The following CNTNAP5 variants were observed in gnomAD, a reference collection of about 807,000 sequenced individuals.
The protein encoded by CNTNAP5 is contactin associated protein family member 5.
Under a neutral mutation model 150.2 loss-of-function variants are expected in CNTNAP5, and 72 were observed. That is an observed-to-expected ratio of 0.48 (90% confidence interval 0.40 to 0.58). The LOEUF (loss-of-function observed/expected upper bound fraction) is 0.58. Ranked by LOEUF, CNTNAP5 falls within the 20% of genes least tolerant of loss-of-function variation. CNTNAP5 has a pLI of 0.00. For synonymous variants in CNTNAP5, 672 were observed against 619.8 expected (o/e 1.08, Z -1.25); for missense variants, 1,636 against 1,626.2 (o/e 1.01, Z -0.10).
intron 19 of CNTNAP5, among the ~76,000 whole-genome samples, chr2:124,815,452 G>C (rs1470357390): frequency 6.6e-6 from 1 of 152,176 alleles, no homozygotes; most frequent in African/African-American, 2.4e-5. Context: ...GCCAGGCAGA[G>C]GCAATAAATC....
At chr2:124,152,434 C>T (rs980586568) in intron 1 of CNTNAP5, among the ~76,000 whole-genome samples, 15 of 152,182 alleles carry the variant, frequency 9.9e-5, no homozygotes, top group African/African-American at 3.4e-4. Flanking sequence ...AGCCTGTGAA[C>T]AAATACGTGG....
chr2:124,643,915 C>A (rs534751965), intron 12 of CNTNAP5, among the ~76,000 whole-genome samples: 6 of 152,118 alleles, frequency 3.9e-5, no homozygotes, highest in Non-Finnish European at 8.8e-5. Flanking sequence ...CAAATATGAC[C>A]AATAAGAAAA....
At chr2:124,580,018 CTTTG>C (rs572144965) in intron 11 of CNTNAP5, among the ~76,000 whole-genome samples, 3 of 152,304 alleles carry the variant, frequency 2.0e-5, no homozygotes, top group East Asian at 1.9e-4. Context: ...AGGTTTTGTT[CTTTG>C]TTTGTTTGTT....
intron 13 of CNTNAP5, among the ~76,000 whole-genome samples, chr2:124,652,659 A>G (rs1217573286): frequency 6.6e-6 from 1 of 152,176 alleles, no homozygotes; most frequent in Non-Finnish European, 1.5e-5. Flanking sequence ...AAGTGACCGC[A>G]TGGGGAAACT....
At chr2:124,522,694 C>CCTGAGA (rs59609852) in intron 8 of CNTNAP5, among the ~76,000 whole-genome samples, 44,478 of 147,076 alleles carry the variant, frequency 0.3, 6,808 homozygotes, top group South Asian at 0.46. Context: ...TTAAAGTCCT[C>CCTGAGA]CTGGTATGTG....
intron 1 of CNTNAP5, among the ~76,000 whole-genome samples, chr2:124,171,730 C>G (rs1684936151): frequency 6.6e-6 from 1 of 152,116 alleles, no homozygotes; most frequent in Admixed American, 6.5e-5. Flanking sequence ...TTTTTGTACA[C>G]AGAGTAAATA....
intron 13 of CNTNAP5, among the ~76,000 whole-genome samples, chr2:124,682,215 T>C (rs879907713): frequency 2.6e-5 from 4 of 152,310 alleles, no homozygotes; most frequent in Admixed American, 2.6e-4. Context: ...AGAGTCTCTC[T>C]GATCTTCTCC....
At chr2:124,082,198 A>G (rs1172087464) in intron 1 of CNTNAP5, among the ~76,000 whole-genome samples, 3 of 151,932 alleles carry the variant, frequency 2.0e-5, no homozygotes, top group Non-Finnish European at 2.9e-5. Flanking sequence ...AAATACAAAA[A>G]ATTAGCCAGG....
intron 1 of CNTNAP5, among the ~76,000 whole-genome samples, chr2:124,181,635 C>G (rs1382782008): frequency 6.6e-6 from 1 of 152,132 alleles, no homozygotes; most frequent in Non-Finnish European, 1.5e-5. Context: ...TTACTTCCAG[C>G]CCTGGCTCTG....
At chr2:124,361,801 G>A (rs1573941857) in intron 3 of CNTNAP5, among the ~76,000 whole-genome samples, 3 of 152,132 alleles carry the variant, frequency 2.0e-5, no homozygotes, top group Admixed American at 2.0e-4. Flanking sequence ...AGCCTACAGA[G>A]GCAGGCAGGC....
intron 3 of CNTNAP5, among the ~76,000 whole-genome samples, chr2:124,310,470 G>A (rs897459630): frequency 3.3e-5 from 5 of 152,160 alleles, no homozygotes; most frequent in East Asian, 1.9e-4. Context: ...GGCTAGAATC[G>A]TAACTTCCCA....
At chr2:124,578,241 A>T (rs1696336613) in intron 11 of CNTNAP5, among the ~76,000 whole-genome samples, 1 of 151,226 alleles carries the variant, frequency 6.6e-6, no homozygotes, top group Admixed American at 6.6e-5. Context: ...GAGACAGGAG[A>T]ATGGCTTGAA....
At chr2:124,474,931 T>A in intron 7 of CNTNAP5, 49 bp downstream of exon 7, 1 of 1,532,644 alleles carries the variant, frequency 6.5e-7, no homozygotes, top group Non-Finnish European at 8.8e-7. Flanking sequence ...CACTTTGGGG[T>A]AAGTCTTGCT....
At chr2:124,062,281 T>C (rs1046981500) in intron 1 of CNTNAP5, among the ~76,000 whole-genome samples, 1 of 152,218 alleles carries the variant, frequency 6.6e-6, no homozygotes, top group African/African-American at 2.4e-5. Flanking sequence ...TATTCCTTGC[T>C]ACCTCTCTCC....
At chr2:124,179,041 T>C (rs921532628) in intron 1 of CNTNAP5, among the ~76,000 whole-genome samples, 3 of 151,968 alleles carry the variant, frequency 2.0e-5, no homozygotes, top group Non-Finnish European at 1.5e-5. Context: ...AGAAAGGCTG[T>C]ATTGATATTA....
At chr2:124,046,920 T>C (rs878887623) in intron 1 of CNTNAP5, among the ~76,000 whole-genome samples, 10 of 152,254 alleles carry the variant, frequency 6.6e-5, no homozygotes, top group Admixed American at 5.2e-4. Flanking sequence ...AGTGAAAACA[T>C]GGCCTTGAAT....
At chr2:124,413,787 C>T (rs1406878337) in intron 3 of CNTNAP5, among the ~76,000 whole-genome samples, 2 of 92,234 alleles carry the variant, frequency 2.2e-5, no homozygotes, top group East Asian at 3.3e-4. Flanking sequence ...TGCTAGATGA[C>T]GAGTTAGTGG....
At chr2:124,898,874 C>A (rs1318920359) in intron 21 of CNTNAP5, among the ~76,000 whole-genome samples, 1 of 151,478 alleles carries the variant, frequency 6.6e-6, no homozygotes, top group Non-Finnish European at 1.5e-5. Flanking sequence ...CTCCTCCTAA[C>A]AGTATGCTTT....
chr2:124,751,223 G>A (rs993716720), intron 14 of CNTNAP5, among the ~76,000 whole-genome samples: 8 of 151,966 alleles, frequency 5.3e-5, no homozygotes, highest in Non-Finnish European at 2.9e-5. Context: ...TAGGGGTTGG[G>A]GGTAGGGGGA....
Sources: gnomAD v4.1 joint callset for allele counts (sites outside exome capture counted in the v4.1 genomes callset) on GRCh38, gnomAD v4.1.1 for gene constraint, MANE v1.5 for transcripts, NCBI Gene and HGNC (gene_info 2026-07-23, HGNC 2026-07-21) for gene names.